PCDH9: variants seen among roughly 807,000 people sequenced by gnomAD.
PCDH9 encodes protocadherin 9, also known as protocadherin-9.
In PCDH9, 24 loss-of-function variants were observed where a neutral mutation model predicts 70.6. That is an observed-to-expected ratio of 0.34 (90% CI 0.25 to 0.48). The LOEUF (loss-of-function observed/expected upper bound fraction) is 0.48. Among genes scored for constraint, PCDH9 ranks in the 20% least tolerant of loss-of-function variants. The pLI is 0.99. For missense variants in PCDH9, 1,281 were observed against 1,503.6 expected (o/e 0.85, Z 2.45); for synonymous variants, 562 against 558.5 (o/e 1.01, Z -0.09).
intron 2 of PCDH9, chr13:67,218,052 A>G (rs2089647269): frequency 6.6e-6 from 1 of 152,108 alleles, no homozygotes; most frequent in South Asian, 2.1e-4. Flanking sequence ...TGTGTTAGCT[A>G]GTTGTATTAC....
intron 4 of PCDH9, among the ~76,000 whole-genome samples, chr13:66,333,222 G>A (rs1955973926): frequency 6.6e-6 from 1 of 151,534 alleles, no homozygotes; most frequent in East Asian, 1.9e-4. Flanking sequence ...GAAGGAACAA[G>A]AATAATGTAG....
intron 2 of PCDH9, among the ~76,000 whole-genome samples, chr13:67,086,951 AT>A (rs1163376283): frequency 6.6e-6 from 1 of 152,012 alleles, no homozygotes; most frequent in Non-Finnish European, 1.5e-5. Context: ...TCTTGACAAG[AT>A]TTTTTTGCAG....
intron 4 of PCDH9, among the ~76,000 whole-genome samples, chr13:66,435,951 C>T (rs1311937761): frequency 6.6e-6 from 1 of 151,786 alleles, no homozygotes; most frequent in Admixed American, 6.6e-5. Flanking sequence ...TTCATTCTGA[C>T]GTTTCACATA....
intron 3 of PCDH9, among the ~76,000 whole-genome samples, chr13:66,828,690 C>A (rs1249702364): frequency 2.0e-5 from 3 of 151,894 alleles, no homozygotes; most frequent in Non-Finnish European, 4.4e-5. Context: ...GAAAAAGAGA[C>A]AGAGAGAGGG....
chr13:67,111,565 G>C (rs1162125409), intron 2 of PCDH9, among the ~76,000 whole-genome samples: 2 of 152,122 alleles, frequency 1.3e-5, no homozygotes, highest in Admixed American at 6.5e-5. Flanking sequence ...GGGAATATTA[G>C]AGAAATTTCA....
intron 4 of PCDH9, among the ~76,000 whole-genome samples, chr13:66,407,710 T>C (rs112836525): frequency 1.3e-5 from 2 of 152,192 alleles, no homozygotes; most frequent in Non-Finnish European, 2.9e-5. Flanking sequence ...CGAAAACTTA[T>C]TATGTTGAGC....
chr13:66,672,692 T>C lies in PCDH9; in HGVS notation c.3139-41281A>G, dbSNP rs550042933. ...CTCTGCAAAGCCACAGGCGCAGAGCTGCCCAAGACCATGGGAACCCACCTC... is the reference window on the plus strand; with the variant it reads ...CTCTGCAAAGCCACAGGCGCAGAGCCGCCCAAGACCATGGGAACCCACCTC... On this transcript the variant is annotated intron_variant, in intron 3 of 4. Coordinates refer to ENST00000377865, the MANE Select transcript of PCDH9 (RefSeq NM_203487.3). 2.2e-4 allele frequency among the ~76,000 whole-genome samples: 33 copies of C among 152,328 alleles called. No individual in the cohort carries two copies. In the South Asian group the frequency reaches 6.6e-3, roughly 31 times the overall value.
At chr13:66,375,339 T>C (rs1182724735) in intron 4 of PCDH9, among the ~76,000 whole-genome samples, 1 of 152,068 alleles carries the variant, frequency 6.6e-6, no homozygotes, top group Non-Finnish European at 1.5e-5. Flanking sequence ...ATCAGATCTT[T>C]TGTGATATTA....
chr13:67,038,417 A>G (rs1414853614), intron 2 of PCDH9, among the ~76,000 whole-genome samples: 1 of 152,218 alleles, frequency 6.6e-6, no homozygotes, highest in Non-Finnish European at 1.5e-5. Context: ...CATAAATACC[A>G]TATAAATACA....
At chr13:66,455,824 T>C (rs961912651) in intron 4 of PCDH9, among the ~76,000 whole-genome samples, 1 of 152,092 alleles carries the variant, frequency 6.6e-6, no homozygotes, top group Non-Finnish European at 1.5e-5. Context: ...CCAGCCAATA[T>C]AGTGTATTGT....
chr13:66,380,776 C>A (rs1438385672), intron 4 of PCDH9, among the ~76,000 whole-genome samples: 1 of 152,092 alleles, frequency 6.6e-6, no homozygotes, highest in Non-Finnish European at 1.5e-5. Context: ...ATCTCCTGAC[C>A]TCGTGATCCA....
At chr13:66,687,234 A>G (rs1028514656) in intron 3 of PCDH9, among the ~76,000 whole-genome samples, 1 of 152,204 alleles carries the variant, frequency 6.6e-6, no homozygotes, top group Non-Finnish European at 1.5e-5. Flanking sequence ...AATAACATGC[A>G]TGAATCACCT....
At chr13:66,867,151 T>G (rs1305619587) in intron 3 of PCDH9, among the ~76,000 whole-genome samples, 2 of 152,236 alleles carry the variant, frequency 1.3e-5, no homozygotes, top group African/African-American at 4.8e-5. Context: ...CATTCTCTTG[T>G]TAGTGGTTAT....
At chr13:66,340,970 A>G (rs1004440430) in intron 4 of PCDH9, among the ~76,000 whole-genome samples, 4 of 152,138 alleles carry the variant, frequency 2.6e-5, no homozygotes, top group African/African-American at 9.7e-5. Flanking sequence ...CTTGATTACC[A>G]TTGCCCTTAC....
intron 2 of PCDH9, among the ~76,000 whole-genome samples, chr13:66,903,877 A>G (rs192904117): frequency 6.6e-6 from 1 of 152,038 alleles, no homozygotes; most frequent in African/African-American, 2.4e-5. Context: ...ATATTTATTT[A>G]TTACATTTAT....
chr13:66,779,807 G>A (rs575746885), intron 3 of PCDH9, among the ~76,000 whole-genome samples: 37 of 141,604 alleles, frequency 2.6e-4, no homozygotes, highest in Non-Finnish European at 4.9e-4. Context: ...GCAACAGAGC[G>A]AGACTCCATC....
At chr13:66,548,063 CCTTAA>C (rs1402197781) in intron 4 of PCDH9, among the ~76,000 whole-genome samples, 2 of 151,192 alleles carry the variant, frequency 1.3e-5, no homozygotes, top group Non-Finnish European at 2.9e-5. Flanking sequence ...CTTTTCATTA[CCTTAA>C]CTGTTAAGAA....
At chr13:67,103,196 A>T (rs8000893) in intron 2 of PCDH9, among the ~76,000 whole-genome samples, 3,720 of 152,220 alleles carry the variant, frequency 0.024, 121 homozygotes, top group South Asian at 0.068. Flanking sequence ...AAAAATATAA[A>T]AATGCTACAA....
At position 66,364,112 on chromosome 13, in the gene PCDH9, G is replaced by A. The variant is rs764145849; in HGVS notation, c.3341-59084C>T. Among the ~76,000 whole-genome samples, 16 of 151,796 alleles carry A rather than the reference G, an allele frequency of 1.1e-4. No homozygotes were observed. In the East Asian group the frequency reaches 1.4e-3, roughly 13 times the overall value. ...GGTGGTTGCAGTGAGCCAAGACCAC[G>A]CCATTGCACTCCAGCATGAGCGACA... On this transcript the variant is annotated intron_variant, in intron 4 of 4. Coordinates refer to ENST00000377865, the MANE Select transcript of PCDH9 (RefSeq NM_203487.3).
Sources: gnomAD v4.1 joint callset for allele counts (sites outside exome capture counted in the v4.1 genomes callset) on GRCh38, gnomAD v4.1.1 for gene constraint, MANE v1.5 for transcripts, NCBI Gene and HGNC (gene_info 2026-07-23, HGNC 2026-07-21) for gene names.